The following PTPRG variants were observed in gnomAD, a reference collection of about 807,000 sequenced individuals.
PTPRG encodes protein tyrosine phosphatase receptor type G.
In PTPRG, 102 loss-of-function variants were observed where a neutral mutation model predicts 165.3. The ratio of observed to expected loss-of-function variants is 0.62; its 90% confidence interval spans 0.53 to 0.73. The LOEUF (loss-of-function observed/expected upper bound fraction) is 0.73. Among genes scored for constraint, PTPRG ranks in the 30% least tolerant of loss-of-function variants. The pLI is 0.00. For synonymous variants in PTPRG, 675 were observed against 669.5 expected, an observed-to-expected ratio of 1.01 and a Z score of -0.13; for missense variants, 1,866 against 1,861.4, an observed-to-expected ratio of 1.00 and a Z score of -0.05.
At chr3:62,055,876 A>G (rs1044197678) in intron 4 of PTPRG, among the ~76,000 whole-genome samples, 1 of 152,204 alleles carries the variant, frequency 6.6e-6, no homozygotes, top group South Asian at 2.1e-4. Flanking sequence ...TCTCAATTTG[A>G]TCATCTGCAA....
intron 1 of PTPRG, among the ~76,000 whole-genome samples, chr3:61,631,530 GTATA>G (rs1172644464): frequency 6.6e-6 from 1 of 152,164 alleles, no homozygotes; most frequent in African/African-American, 2.4e-5. Flanking sequence ...AAACCACAGT[GTATA>G]TAGAGCTCAG....
chr3:62,287,603 A>G (rs1314606872), intron 28 of PTPRG, among the ~76,000 whole-genome samples: 1 of 152,148 alleles, frequency 6.6e-6, no homozygotes, highest in Non-Finnish European at 1.5e-5. Flanking sequence ...ACATATGTCT[A>G]AAAAGTTATC....
rs188718318 is a variant in PTPRG, at chr3:61,753,383, A to G, written c.190+4401A>G. Among the ~76,000 whole-genome samples the G allele has an allele frequency of 6.6e-5, 10 of 152,212 alleles. No homozygotes were observed. The East Asian group carries it at 1.7e-3, about 26-fold the overall frequency. ...GTATCTCATTGGAAATAATAAAACA[A>G]TTTCTTTTCTATTAATTTTACTCAG... On this transcript the variant is annotated intron_variant, in intron 2 of 29. Coordinates refer to ENST00000474889, the MANE Select transcript of PTPRG (RefSeq NM_002841.4).
At chr3:61,797,627 T>C (rs1242550683) in intron 2 of PTPRG, among the ~76,000 whole-genome samples, 2 of 123,532 alleles carry the variant, frequency 1.6e-5, no homozygotes, top group Non-Finnish European at 3.2e-5. Flanking sequence ...TAAATCAAGA[T>C]TTTTGGTTTT....
At chr3:61,596,442 T>TTTGTTG (rs34957174) in intron 1 of PTPRG, among the ~76,000 whole-genome samples, 6 of 151,560 alleles carry the variant, frequency 4.0e-5, no homozygotes, top group South Asian at 2.1e-4. Flanking sequence ...TTCGGATGGA[T>TTTGTTG]TTGTTGTTGT....
At chr3:61,915,282 T>C (rs532432219) in intron 2 of PTPRG, among the ~76,000 whole-genome samples, 36 of 152,198 alleles carry the variant, frequency 2.4e-4, no homozygotes, top group Non-Finnish European at 4.4e-4. Flanking sequence ...TTGAAACTTA[T>C]CTTAAGATAA....
chr3:62,250,095 T>C (rs1427693107), intron 15 of PTPRG, among the ~76,000 whole-genome samples: 2 of 152,162 alleles, frequency 1.3e-5, no homozygotes, highest in Non-Finnish European at 2.9e-5. Context: ...TTGTGTTATC[T>C]TGTTTACTTT....
chr3:62,035,235 G>A (rs1699903735), intron 4 of PTPRG, among the ~76,000 whole-genome samples: 1 of 152,186 alleles, frequency 6.6e-6, no homozygotes, highest in Non-Finnish European at 1.5e-5. Flanking sequence ...AAAGTAACAT[G>A]AATTCATGGT....
intron 2 of PTPRG, among the ~76,000 whole-genome samples, chr3:61,942,588 T>C (rs896596099): frequency 6.6e-6 from 1 of 152,234 alleles, no homozygotes; most frequent in Non-Finnish European, 1.5e-5. Context: ...AGATAGTTAA[T>C]GATGATGACC....
chr3:62,069,942 T>A (rs1293262030), intron 4 of PTPRG, among the ~76,000 whole-genome samples: 1 of 152,182 alleles, frequency 6.6e-6, no homozygotes, highest in Admixed American at 6.5e-5. Flanking sequence ...TAAAGTCTAC[T>A]GATTTAAATG....
intron 3 of PTPRG, among the ~76,000 whole-genome samples, chr3:61,995,342 G>A (rs372017579): frequency 5.9e-5 from 9 of 151,768 alleles, no homozygotes; most frequent in Non-Finnish European, 1.0e-4. Flanking sequence ...GCCCCACCTC[G>A]GCCACCCAAA....
intron 2 of PTPRG, among the ~76,000 whole-genome samples, chr3:61,814,192 C>T (rs1052551960): frequency 1.3e-5 from 2 of 152,196 alleles, no homozygotes; most frequent in African/African-American, 4.8e-5. Context: ...TGAGCCACAG[C>T]GCCCAGCTGA....
chr3:61,845,249 T>TA (rs1476461290), intron 2 of PTPRG, among the ~76,000 whole-genome samples: 1 of 152,180 alleles, frequency 6.6e-6, no homozygotes, highest in Non-Finnish European at 1.5e-5. Flanking sequence ...TCAAGGTTTT[T>TA]AATGGGTGCA....
intron 1 of PTPRG, among the ~76,000 whole-genome samples, chr3:61,661,989 G>A (rs755402165): frequency 1.3e-4 from 20 of 152,098 alleles, no homozygotes; most frequent in Non-Finnish European, 2.1e-4. Flanking sequence ...TGTAGCTAGC[G>A]TGTTGACTAG....
intron 2 of PTPRG, among the ~76,000 whole-genome samples, chr3:61,783,318 T>A (rs905390496): frequency 1.3e-5 from 2 of 152,098 alleles, no homozygotes; most frequent in Non-Finnish European, 2.9e-5. Flanking sequence ...CCAACCTGGG[T>A]GACAGAGTGA....
At chr3:62,274,438 C>T (rs1702168907) in intron 23 of PTPRG, among the ~76,000 whole-genome samples, 1 of 152,122 alleles carries the variant, frequency 6.6e-6, no homozygotes. Flanking sequence ...ATAATTAGGG[C>T]TCAGTCATCT....
At chr3:61,989,204 A>G (rs2040828897) in intron 2 of PTPRG, among the ~76,000 whole-genome samples, 1 of 152,132 alleles carries the variant, frequency 6.6e-6, no homozygotes, top group Admixed American at 6.6e-5. Context: ...TCATGTTTAC[A>G]GTCTTTTATG....
chr3:62,098,825 C>G (rs891892983), intron 5 of PTPRG, among the ~76,000 whole-genome samples: 3 of 152,168 alleles, frequency 2.0e-5, no homozygotes, highest in African/African-American at 4.8e-5. Context: ...ACCTTTCATA[C>G]TTAACATCTC....
intron 14 of PTPRG, among the ~76,000 whole-genome samples, chr3:62,242,941 A>C (rs1023615849): frequency 6.6e-6 from 1 of 152,082 alleles, no homozygotes; most frequent in African/African-American, 2.4e-5. Flanking sequence ...AGGGCCAGCT[A>C]TTGTAAAGCC....
Sources: gnomAD v4.1 joint callset for allele counts (sites outside exome capture counted in the v4.1 genomes callset) on GRCh38, gnomAD v4.1.1 for gene constraint, MANE v1.5 for transcripts, NCBI Gene and HGNC (gene_info 2026-07-23, HGNC 2026-07-21) for gene names.